Variants in CRTC1 observed in about 807,000 individuals in gnomAD.
CRTC1 encodes the protein CREB regulated transcription coactivator 1.
CRTC1 carries 18 observed loss-of-function variants against 66.1 expected under a neutral mutation model. That is an observed-to-expected ratio of 0.27 (90% confidence interval 0.19 to 0.40). The LOEUF (loss-of-function observed/expected upper bound fraction) is 0.40. Ranked by LOEUF, CRTC1 falls within the 10% of genes least tolerant of loss-of-function variation. The pLI, the probability that CRTC1 is intolerant of heterozygous loss-of-function variation, is 1.00. For missense variants in CRTC1, 669 were observed against 887.9 expected (o/e 0.75, Z 3.13); for synonymous variants, 416 against 398.8 (o/e 1.04, Z -0.51).
rs528505603 is a variant in CRTC1 at position 18,781,788 on chromosome 19, A to T, written c.*4406A>T. 8 of 230,410 alleles carry T rather than the reference A, an allele frequency of 3.5e-5. No individual in the cohort carries two copies. Among genetic ancestry groups the T allele is most frequent in the Admixed American group, 2.8e-4 (5 of 17,702 alleles). The allele number at this position is 230,410 out of a possible 1,614,324, so 14.3% of individuals were successfully genotyped here. A position where few individuals can be genotyped will look rare whatever the true frequency, so the allele number is the denominator to read the frequency against. On this transcript the variant is annotated 3_prime_UTR_variant, in exon 14 of 14. Transcript: ENST00000321949. ...TGGCTCTGATGATTCCAGAGCCTGT[A>T]TCCACCTTCTGGGCTCCTGGCCAGC...
chr19:18,777,727 C>T lies in CRTC1; in HGVS notation c.*345C>T, dbSNP rs1568547229. ...CGGGAAGTGTCAGCTCCCGGCGTGGCGGGCAGGCTCAGGGGAGGGGCGCGC... is the reference window on the plus strand; with the variant it reads ...CGGGAAGTGTCAGCTCCCGGCGTGGTGGGCAGGCTCAGGGGAGGGGCGCGC... On this transcript the variant is annotated 3_prime_UTR_variant, in exon 14 of 14. Coordinates refer to ENST00000321949, the MANE Select transcript of CRTC1 (RefSeq NM_015321.3). This position sits in a 1 kb window ranked among gnomAD's most constrained non-coding sequence, Gnocchi z 5.5. 3 of 361,614 alleles carry T rather than the reference C, an allele frequency of 8.3e-6. No individual in the cohort carries two copies. The highest frequency in any genetic ancestry group is 1.5e-5 in the Non-Finnish European group (3 of 196,636). The allele number at this position is 361,614 out of a possible 1,614,324, so 22.4% of individuals were successfully genotyped here.
intron 11 of CRTC1, among the ~76,000 whole-genome samples, chr19:18,773,542 C>T (rs934529473): frequency 6.6e-6 from 1 of 152,184 alleles, no homozygotes; most frequent in African/African-American, 2.4e-5. Flanking sequence ...ACCCCGAGCC[C>T]CAGGACAGAC....
At chr19:18,711,301 G>A (rs984565138) in intron 1 of CRTC1, among the ~76,000 whole-genome samples, 5 of 152,054 alleles carry the variant, frequency 3.3e-5, no homozygotes, top group African/African-American at 1.2e-4. Context: ...GTGAGGGGCA[G>A]TGGGACGCGT....
rs419646 is a variant in CRTC1 at position 18,698,049 on chromosome 19, G to A, written c.126+14221G>A. 4.3e-3 allele frequency among the ~76,000 whole-genome samples: 646 copies of A among 151,032 alleles called. 14 individuals carry two copies. The highest frequency in any genetic ancestry group is 0.036 in the Admixed American group (542 of 15,186). On this transcript the variant is annotated intron_variant, in intron 1 of 13. Coordinates refer to ENST00000321949, the MANE Select transcript of CRTC1 (RefSeq NM_015321.3). ...TTCTGCAGGTGCTCAGCAGGTGCACGGTGTGTTCTGCAGTGTGTACTCAGC... is the reference window on the plus strand; with the variant it reads ...TTCTGCAGGTGCTCAGCAGGTGCACAGTGTGTTCTGCAGTGTGTACTCAGC...
In CRTC1 at chr19:18,779,735, T is replaced by G. The variant is rs2055066788; in HGVS notation, c.*2353T>G. On this transcript the variant is annotated 3_prime_UTR_variant, in exon 14 of 14. Transcript: ENST00000321949. ...AGCATCCCAGGCCCGTGGCCCATTT[T>G]CAGCATCCTGAAGCCAGATTCACAG... 1 of 223,828 alleles carries G rather than the reference T, an allele frequency of 4.5e-6. No individual in the cohort carries two copies. The allele number at this position is 223,828 out of a possible 1,614,324, so 13.9% of individuals were successfully genotyped here. A position where few individuals can be genotyped will look rare whatever the true frequency, so the allele number is the denominator to read the frequency against.
chr19:18,780,038 G>C lies in CRTC1; in HGVS notation c.*2656G>C, dbSNP rs1432781318. 3 of 230,356 alleles carry C rather than the reference G, an allele frequency of 1.3e-5. No individual in the cohort carries two copies. The highest frequency in any genetic ancestry group is 2.6e-5 in the Non-Finnish European group (3 of 116,366). 14.3% of individuals were successfully genotyped at this position (230,356 alleles called of 1,614,324 possible). A position where few individuals can be genotyped will look rare whatever the true frequency, so the allele number is the denominator to read the frequency against. On this transcript the variant is annotated 3_prime_UTR_variant, in exon 14 of 14. Transcript: ENST00000321949. ...CTACTACATATTCTTGAATTGCCAA[G>C]ACTTTCTGAAACAAGACAGCTTAAG...
intron 1 of CRTC1, among the ~76,000 whole-genome samples, chr19:18,694,341 A>C (rs2145493788): frequency 6.6e-6 from 1 of 152,122 alleles, no homozygotes; most frequent in East Asian, 1.9e-4. Context: ...AGAAAAAAAT[A>C]AAAAGTACCA....
intron 6 of CRTC1, among the ~76,000 whole-genome samples, chr19:18,759,142 G>A (rs1056870019): frequency 6.6e-6 from 1 of 152,200 alleles, no homozygotes; most frequent in African/African-American, 2.4e-5. Context: ...GGTTGAGGCT[G>A]CGGCGAGCTG....
At chr19:18,776,308 T>C (rs995674960) in intron 13 of CRTC1, among the ~76,000 whole-genome samples, 4 of 152,176 alleles carry the variant, frequency 2.6e-5, no homozygotes, top group African/African-American at 9.7e-5. Context: ...CCTGGGCTCC[T>C]GGGGACAAGC....
At chr19:18,752,992 A>G (rs1045784679) in intron 5 of CRTC1, among the ~76,000 whole-genome samples, 3 of 151,188 alleles carry the variant, frequency 2.0e-5, no homozygotes, top group South Asian at 2.2e-4. Context: ...TAGGCGGGGC[A>G]CGGTGGCGCA....
chr19:18,708,882 C>T (rs2053325895), intron 1 of CRTC1, among the ~76,000 whole-genome samples: 1 of 152,328 alleles, frequency 6.6e-6, no homozygotes, highest in South Asian at 2.1e-4. Flanking sequence ...GTGGCAAGCC[C>T]AGAGCTGTGC....
In CRTC1 at chr19:18,760,620, A is replaced by C. The variant is rs146197069; in HGVS notation, c.886+392A>C. Among the ~76,000 whole-genome samples the C allele has an allele frequency of 2.8e-3, 429 of 151,748 alleles. 1 individual carries two copies. Among genetic ancestry groups the C allele is most frequent in the African/African-American group, 9.9e-3 (411 of 41,330 alleles). On this transcript the variant is annotated intron_variant, in intron 8 of 13. Coordinates refer to ENST00000321949, the MANE Select transcript of CRTC1 (RefSeq NM_015321.3). This position sits in a 1 kb window ranked among gnomAD's most constrained non-coding sequence, Gnocchi z 6.2. ...ACCTGCTTCCTCCACCCGACATCTG[A>C]CAGTGACCACCTACTTGTCACATCC...
intron 1 of CRTC1, among the ~76,000 whole-genome samples, chr19:18,697,057 G>T (rs1454685985): frequency 1.3e-5 from 2 of 152,252 alleles, no homozygotes; most frequent in East Asian, 1.9e-4. Flanking sequence ...GGAGGTGGGT[G>T]CCCTGTTCTT....
chr19:18,707,234 GT>G (rs2053287570), intron 1 of CRTC1, among the ~76,000 whole-genome samples: 1 of 152,122 alleles, frequency 6.6e-6, no homozygotes, highest in African/African-American at 2.4e-5. Context: ...TACTTTTATA[GT>G]TTTAGCTTTA....
chr19:18,759,057 G>A (rs898386933), intron 6 of CRTC1, among the ~76,000 whole-genome samples: 3 of 152,130 alleles, frequency 2.0e-5, no homozygotes, highest in African/African-American at 7.2e-5. Flanking sequence ...AAAAGCAGCC[G>A]GGCGCAGTGC....
chr19:18,754,961 T>G (rs1219377955), intron 6 of CRTC1, among the ~76,000 whole-genome samples: 3 of 151,476 alleles, frequency 2.0e-5, no homozygotes, highest in Admixed American at 6.6e-5. Context: ...TATTTTTAAA[T>G]TTTATTATAT....
rs2055032151 is a variant in CRTC1 at position 18,777,988 on chromosome 19, G to A, written c.*606G>A. 4.2e-6 allele frequency: 1 copy of A among 238,982 alleles called. No individual in the cohort carries two copies. The highest frequency in any genetic ancestry group is 5.6e-5 in the Admixed American group (1 of 17,836). The allele number at this position is 238,982 out of a possible 1,614,324, so 14.8% of individuals were successfully genotyped here. A position where few individuals can be genotyped will look rare whatever the true frequency, so the allele number is the denominator to read the frequency against. ...ATTTCTGAGCACACACAGAGCCCTG[G>A]CGTCCACCGGGGCAGGCGCAAAGTG... On this transcript the variant is annotated 3_prime_UTR_variant, in exon 14 of 14. Coordinates refer to ENST00000321949, the MANE Select transcript of CRTC1 (RefSeq NM_015321.3). The surrounding 1 kb of genome is among the most constrained non-coding windows in gnomAD (Gnocchi z 5.5).
intron 5 of CRTC1, among the ~76,000 whole-genome samples, chr19:18,752,108 C>G (rs2054375809): frequency 6.7e-6 from 1 of 150,306 alleles, no homozygotes; most frequent in Non-Finnish European, 1.5e-5. Flanking sequence ...AGCCAAGGTG[C>G]CACTGCACTC....
At chr19:18,776,067 ACT>A (rs1002962151) in intron 13 of CRTC1, among the ~76,000 whole-genome samples, 1 of 150,516 alleles carries the variant, frequency 6.6e-6, no homozygotes, top group African/African-American at 2.5e-5. Flanking sequence ...AGAGACGGTC[ACT>A]CTCCCCTCTC....
Sources: gnomAD v4.1 joint callset for allele counts (sites outside exome capture counted in the v4.1 genomes callset) on GRCh38, gnomAD v4.1.1 for gene constraint, Gnocchi (gnomAD v3.1) non-coding constraint, MANE v1.5 for transcripts, NCBI Gene and HGNC (gene_info 2026-07-23, HGNC 2026-07-21) for gene names.